Variants in TSPOAP1 observed in about 807,000 individuals in gnomAD.
TSPOAP1 encodes TSPO associated protein 1.
A neutral mutation model predicts 197.0 loss-of-function variants in TSPOAP1; 87 were observed. The observed-to-expected ratio is 0.44, with a 90% confidence interval of 0.37 to 0.53. The LOEUF (loss-of-function observed/expected upper bound fraction) is 0.53. Among genes scored for constraint, TSPOAP1 ranks in the 20% least tolerant of loss-of-function variants. TSPOAP1 has a pLI of 0.00. For synonymous variants in TSPOAP1, 913 were observed against 998.9 expected (o/e 0.91, Z 1.62); for missense variants, 2,174 against 2,411.3 (o/e 0.90, Z 2.06).
chr17:58,308,760 C>G lies in TSPOAP1; in HGVS notation c.4512G>C (p.Glu1504Asp). ...CLEISIEYDS[E>D]DEQEAGSGGI... is the part of the protein sequence containing the mutation. ...CCCCGCTGCCCGCCTCCTGCTCATC[C>G]TCCGAATCATATTCAATGCTGATTT... Residue 1504 changes from glutamate (E) to aspartate (D), a missense_variant, in exon 22 of 32, where the codon GAG becomes GAC. Physicochemically the swap from Glu to Asp is conservative, Grantham distance 45. Around this residue, in one of 5 missense-constraint regions of TSPOAP1, gnomAD observed 1,933 missense variants for 2,139.0 expected, o/e 0.90. Transcript: ENST00000343736. The G allele has an allele frequency of 6.2e-7, 1 of 1,613,090 alleles. No homozygotes were observed. Among genetic ancestry groups the G allele is most frequent in the Non-Finnish European group, 8.5e-7 (1 of 1,180,016 alleles).
rs1971508091 is a variant in TSPOAP1 at position 58,324,491 on chromosome 17, G to C, written c.942+320C>G. Among the ~76,000 whole-genome samples, 3 of 151,878 alleles carry C rather than the reference G, an allele frequency of 2.0e-5. No homozygotes were observed. Among genetic ancestry groups the C allele is most frequent in the African/African-American group, 4.8e-5 (2 of 41,398 alleles). Reference sequence around the variant, plus strand: ...GGAGGCGGCGCGGGCTGGGCCCCGGGCGGCTGCCAGGACAACCAGGGATTT... The same window carrying C: ...GGAGGCGGCGCGGGCTGGGCCCCGGCCGGCTGCCAGGACAACCAGGGATTT... On this transcript the variant is annotated intron_variant, in intron 5 of 31. Transcript: ENST00000343736. The surrounding 1 kb of genome is among the most constrained non-coding windows in gnomAD (Gnocchi z 5.8).
Position 58,328,147 on chromosome 17 carries a change from C to CTG in TSPOAP1, c.-229_-228dup. On this transcript the variant is annotated 5_prime_UTR_variant, in exon 1 of 32. Coordinates refer to ENST00000343736, the MANE Select transcript of TSPOAP1 (RefSeq NM_004758.4). The surrounding 1 kb of genome is among the most constrained non-coding windows in gnomAD (Gnocchi z 4.3). Reference sequence around the variant, plus strand: ...GTATGTGAGCTATGTTTGCTGGTAGCTGTGTGTGTGCGCGAGTATGTGGAG... The same window carrying CTG: ...GTATGTGAGCTATGTTTGCTGGTAGCTGTGTGTGTGTGCGCGAGTATGTGGAG... 1.7e-6 allele frequency: 1 copy of CTG among 577,300 alleles called. No homozygotes were observed. The highest frequency in any genetic ancestry group is 3.1e-6 in the Non-Finnish European group (1 of 323,140). The allele number at this position is 577,300 out of a possible 1,614,324, so 35.8% of individuals were successfully genotyped here.
In TSPOAP1 at chr17:58,322,115, C is replaced by G; in HGVS notation, c.1422+193G>C. The G allele has an allele frequency of 1.7e-6, 1 of 598,566 alleles. No homozygotes were observed. 37.1% of individuals were successfully genotyped at this position (598,566 alleles called of 1,614,324 possible). A position where few individuals can be genotyped will look rare whatever the true frequency, so the allele number is the denominator to read the frequency against. Reference sequence around the variant, plus strand: ...CACATCACCCTGTTCTTCTCCACCACTGTGCTCATCAGTGTCTGAAATCAG... The same window carrying G: ...CACATCACCCTGTTCTTCTCCACCAGTGTGCTCATCAGTGTCTGAAATCAG... On this transcript the variant is annotated intron_variant, in intron 10 of 31. Transcript: ENST00000343736. The surrounding 1 kb of genome is among the most constrained non-coding windows in gnomAD (Gnocchi z 5.0).
Position 58,306,835 on chromosome 17 carries a change from C to A in TSPOAP1, c.5117G>T (p.Gly1706Val), listed in dbSNP as rs1335680182. 4.3e-6 allele frequency: 7 copies of A among 1,613,816 alleles called. No homozygotes were observed. The highest frequency in any genetic ancestry group is 4.2e-6 in the Non-Finnish European group (5 of 1,179,916). ...PAGRQQLLQRGYLSPDILLEG... is the reference protein window; with the variant it reads ...PAGRQQLLQRVYLSPDILLEG... Reference sequence around the variant, plus strand: ...AAGGAGAATATCTGGGGACAAATAACCCCGCTGGAGCAGTTGCTGTCTCCC... The same window carrying A: ...AAGGAGAATATCTGGGGACAAATAAACCCGCTGGAGCAGTTGCTGTCTCCC... Residue 1706 changes from glycine (G) to valine (V), a missense_variant, in exon 25 of 32, where the codon GGT (glycine) becomes GTT (valine). Around this residue, in one of 5 missense-constraint regions of TSPOAP1, gnomAD observed 161 missense variants for 159.1 expected, o/e 1.01. Coordinates refer to ENST00000343736, the MANE Select transcript of TSPOAP1 (RefSeq NM_004758.4).
chr17:58,321,493 T>C (rs1971404090), intron 10 of TSPOAP1, among the ~76,000 whole-genome samples: 1 of 152,152 alleles, frequency 6.6e-6, no homozygotes, highest in Non-Finnish European at 1.5e-5. Flanking sequence ...AGACGGGGAT[T>C]CACCATATTG....
Position 58,307,683 on chromosome 17 carries a change from G to T in TSPOAP1, c.4911C>A (p.Asp1637Glu). The change falls in exon 24 of 32, where the codon GAC (aspartate) becomes GAA (glutamate). Residue 1637 changes from aspartate to glutamate, a missense_variant. Asp to Glu is a conservative substitution (Grantham distance 45). Transcript: ENST00000343736. ...CAGGATTGGGCGACATTGACACGGG[G>T]TCATAGTCAAACAGAGCCACAAAGA... ...VRIFVALFDY[D>E]PVSMSPNPDA... 6.2e-7 allele frequency: 1 copy of T among 1,614,172 alleles called. No homozygotes were observed. Among genetic ancestry groups the T allele is most frequent in the Non-Finnish European group, 8.5e-7 (1 of 1,180,046 alleles).
At chr17:58,318,220 CCTG>C in intron 14 of TSPOAP1, 57 bp downstream of exon 14, 1 of 1,580,878 alleles carries the variant, frequency 6.3e-7, no homozygotes, top group Non-Finnish European at 8.6e-7. Flanking sequence ...GTCAGGGCCA[CCTG>C]CCCTGCACCC....
In TSPOAP1 at chr17:58,313,447, T is replaced by C. The variant is rs552011606; in HGVS notation, c.2099-725A>G. On this transcript the variant is annotated intron_variant, in intron 16 of 31. Transcript: ENST00000343736. ...GGGCAACATGGCAAAACCCAATCTC[T>C]ACAAAAAATGCAAAAATTAGCTGGG... is the stretch of plus-strand genomic sequence containing the variant. 4.7e-4 allele frequency among the ~76,000 whole-genome samples: 72 copies of C among 151,876 alleles called. 1 individual carries two copies. The highest frequency in any genetic ancestry group is 4.7e-4 in the Non-Finnish European group (32 of 67,976).
intron 31 of TSPOAP1, chr17:58,303,766 C>T (rs1038269236): frequency 6.6e-6 from 1 of 152,372 alleles, no homozygotes; most frequent in African/African-American, 2.4e-5. Context: ...CCACCTCAGC[C>T]TCCCAAGTAG....
Position 58,324,589 on chromosome 17 carries a change from G to A in TSPOAP1, c.942+222C>T, listed in dbSNP as rs1971513435. 6.6e-6 allele frequency among the ~76,000 whole-genome samples: 1 copy of A among 152,106 alleles called. No homozygotes were observed. Among genetic ancestry groups the A allele is most frequent in the African/African-American group, 2.4e-5 (1 of 41,438 alleles). ...CCCCGCTGGGCGCAGGCCTATGGAGGGCGGAACCCTGGAGCCCCCAGGGGA... is the reference window on the plus strand; with the variant it reads ...CCCCGCTGGGCGCAGGCCTATGGAGAGCGGAACCCTGGAGCCCCCAGGGGA... On this transcript the variant is annotated intron_variant, in intron 5 of 31. Coordinates refer to ENST00000343736, the MANE Select transcript of TSPOAP1 (RefSeq NM_004758.4). This position sits in a 1 kb window ranked among gnomAD's most constrained non-coding sequence, Gnocchi z 5.8.
chr17:58,320,533 C>T lies in TSPOAP1; in HGVS notation c.1471G>A (p.Glu491Lys). ...REHEGAVQLL[E>K]STLDSMQARV... is the part of the protein sequence containing the mutation. Reference sequence around the variant, plus strand: ...GGGGCCACTTCCAGGCGCCCTACCTCCAGCAGCTGCACGGCTCCTTCATGT... The same window carrying T: ...GGGGCCACTTCCAGGCGCCCTACCTTCAGCAGCTGCACGGCTCCTTCATGT... The change falls in exon 11 of 32, where the codon GAG becomes AAG. Residue 491 changes from glutamate to lysine, a missense_variant and splice_region_variant. By Grantham distance (56) the Glu-to-Lys change is moderately conservative. This residue lies in a region of TSPOAP1 where 1,933 missense variants were observed against 2,139.0 expected (regional missense o/e 0.90). Coordinates refer to ENST00000343736, the MANE Select transcript of TSPOAP1 (RefSeq NM_004758.4). The T allele has an allele frequency of 2.0e-6, 3 of 1,514,022 alleles. No individual in the cohort carries two copies. The highest frequency in any genetic ancestry group is 1.8e-6 in the Non-Finnish European group (2 of 1,132,694). 93.8% of individuals were successfully genotyped at this position (1,514,022 alleles called of 1,614,324 possible). A position where few individuals can be genotyped will look rare whatever the true frequency, so the allele number is the denominator to read the frequency against.
At chr17:58,323,244 G>C in intron 7 of TSPOAP1, 54 bp downstream of exon 7, 2 of 1,601,616 alleles carry the variant, frequency 1.2e-6, no homozygotes, top group South Asian at 2.2e-5. Context: ...CCCACCACCT[G>C]GCTGGCCGGG....
intron 14 of TSPOAP1, among the ~76,000 whole-genome samples, chr17:58,317,095 C>A (rs1247064716): frequency 6.6e-6 from 1 of 151,926 alleles, no homozygotes; most frequent in Non-Finnish European, 1.5e-5. Context: ...ACTTGGGAGG[C>A]GGAGGTAGGA....
At chr17:58,307,971 GTAACACA>G in intron 22 of TSPOAP1, 30 bp from the exon 23 acceptor site, 1 of 1,584,058 alleles carries the variant, frequency 6.3e-7, no homozygotes, top group Non-Finnish European at 8.6e-7. Flanking sequence ...GATGGCAAAA[GTAACACA>G]CCATCCCTCT....
intron 27 of TSPOAP1, 50 bp from the exon 28 acceptor site, chr17:58,305,693 C>A: frequency 7.3e-7 from 1 of 1,366,350 alleles, no homozygotes. Context: ...AGCCCTACAC[C>A]CCATCCTGTC....
rs1022519860 is a variant in TSPOAP1, at chr17:58,319,252, C to T, written c.1537G>A (p.Glu513Lys). 14 of 1,598,070 alleles carry T rather than the reference C, an allele frequency of 8.8e-6. No homozygotes were observed. Among genetic ancestry groups the T allele is most frequent in the East Asian group, 2.3e-5 (1 of 43,750 alleles). Residue 513 changes from glutamate (E) to lysine (K), a missense_variant, in exon 13 of 32, where the codon GAG becomes AAG. Around this residue, in one of 5 missense-constraint regions of TSPOAP1, gnomAD observed 1,933 missense variants for 2,139.0 expected, o/e 0.90. Coordinates refer to ENST00000343736, the MANE Select transcript of TSPOAP1 (RefSeq NM_004758.4). ...ELEEQCRSQT[E>K]QFSLLAQELQ... The stretch of plus-strand genomic sequence containing the variant: ...TCCTGTGCCAGGAGGCTGAACTGCT[C>T]GGTTTGGCTGCGGCACTGTTCTTCG...
Position 58,322,148 on chromosome 17 carries a change from C to T in TSPOAP1, c.1422+160G>A. 3.0e-6 allele frequency: 2 copies of T among 663,088 alleles called. No homozygotes were observed. The highest frequency in any genetic ancestry group is 2.6e-6 in the Non-Finnish European group (1 of 387,988). 41.1% of individuals were successfully genotyped at this position (663,088 alleles called of 1,614,324 possible). A position where few individuals can be genotyped will look rare whatever the true frequency, so the allele number is the denominator to read the frequency against. On this transcript the variant is annotated intron_variant, in intron 10 of 31. Transcript: ENST00000343736. The surrounding 1 kb of genome is among the most constrained non-coding windows in gnomAD (Gnocchi z 5.0). ...ATCAGTGTCTGAAATCAGCTCACTCCTGGATGCTAATTTGCTGACTGCTCA... is the reference window on the plus strand; with the variant it reads ...ATCAGTGTCTGAAATCAGCTCACTCTTGGATGCTAATTTGCTGACTGCTCA...
chr17:58,317,092 A>G (rs1449647782), intron 14 of TSPOAP1, among the ~76,000 whole-genome samples: 2 of 152,112 alleles, frequency 1.3e-5, no homozygotes, highest in Non-Finnish European at 2.9e-5. Flanking sequence ...GCTACTTGGG[A>G]GGCGGAGGTA....
chr17:58,302,229 C>T lies in TSPOAP1; in HGVS notation c.*251G>A, dbSNP rs1271954507. The stretch of plus-strand genomic sequence containing the variant: ...TCAGCAGAGACAGTGATCTGGGGGC[C>T]TCTCAGGGCCTCTTCTGCCTGCAGG... On this transcript the variant is annotated 3_prime_UTR_variant, in exon 32 of 32. Transcript: ENST00000343736. 7.8e-7 allele frequency: 1 copy of T among 1,287,056 alleles called. No homozygotes were observed. The highest frequency in any genetic ancestry group is 1.0e-6 in the Non-Finnish European group (1 of 987,486). The allele number at this position is 1,287,056 out of a possible 1,614,324, so 79.7% of individuals were successfully genotyped here. A position where few individuals can be genotyped will look rare whatever the true frequency, so the allele number is the denominator to read the frequency against.
Sources: gnomAD v4.1 joint callset for allele counts (sites outside exome capture counted in the v4.1 genomes callset) on GRCh38, gnomAD v4.1.1 for gene constraint, gnomAD v4.1.1 regional missense constraint, Gnocchi (gnomAD v3.1) non-coding constraint, MANE v1.5 for transcripts, NCBI Gene and HGNC (gene_info 2026-07-23, HGNC 2026-07-21) for gene names.